The following RABGAP1L variants were observed in gnomAD, a reference collection of about 807,000 sequenced individuals.
The protein encoded by RABGAP1L is rab GTPase-activating protein 1-like.
A neutral mutation model predicts 137.7 loss-of-function variants in RABGAP1L; 63 were observed. That is an observed-to-expected ratio of 0.46 (90% confidence interval 0.37 to 0.56). The LOEUF (loss-of-function observed/expected upper bound fraction) is 0.56, where lower values mean the gene tolerates loss of function less well. RABGAP1L is among the 20% of genes least tolerant of loss of function. The pLI, the probability that RABGAP1L is intolerant of heterozygous loss-of-function variation, is 0.00. For missense variants in RABGAP1L, 1,095 were observed against 1,244.0 expected, an observed-to-expected ratio of 0.88 and a Z score of 1.80; for synonymous variants, 431 against 433.7, an observed-to-expected ratio of 0.99 and a Z score of 0.08.
At chr1:174,393,974 A>G in intron 12 of RABGAP1L, 21 bp from the exon 13 acceptor site, 1 of 1,609,230 alleles carries the variant, frequency 6.2e-7, no homozygotes, top group Non-Finnish European at 8.5e-7. Context: ...GTGTGAATGG[A>G]TTATTTTCTT....
chr1:174,230,418 A>AT (rs371232507), intron 3 of RABGAP1L, among the ~76,000 whole-genome samples: 4 of 152,154 alleles, frequency 2.6e-5, no homozygotes, highest in African/African-American at 9.7e-5. Flanking sequence ...ATAAAAAAAA[A>AT]GGAAGTCAAT....
rs372717108 is a variant in RABGAP1L, at chr1:174,542,278, A to G, written c.1711-95097A>G. Among the ~76,000 whole-genome samples the G allele has an allele frequency of 9.9e-5, 15 of 152,226 alleles. No individual in the cohort carries two copies. The East Asian group carries it at 2.9e-3, about 29-fold the overall frequency. On this transcript the variant is annotated intron_variant, in intron 13 of 25. Transcript: ENST00000681986. ...TATTGCCTCAATTTCAGAGCCTTTT[A>G]TTGGACTATTCAGGGATTCAACTTC...
intron 13 of RABGAP1L, among the ~76,000 whole-genome samples, chr1:174,562,007 G>A (rs1171546146): frequency 6.6e-6 from 1 of 152,132 alleles, no homozygotes; most frequent in African/African-American, 2.4e-5. Context: ...TGACACATGG[G>A]ATCTAATTAA....
At chr1:174,659,883 C>T (rs1249982260) in intron 14 of RABGAP1L, among the ~76,000 whole-genome samples, 1 of 152,118 alleles carries the variant, frequency 6.6e-6, no homozygotes, top group Non-Finnish European at 1.5e-5. Context: ...ATTGAATCAT[C>T]CTTGCTGCTA....
chr1:174,456,020 A>G (rs1656004416), intron 13 of RABGAP1L, among the ~76,000 whole-genome samples: 1 of 152,226 alleles, frequency 6.6e-6, no homozygotes, highest in East Asian at 1.9e-4. Context: ...GAGTGACCTG[A>G]TATTTCTTTC....
chr1:174,847,165 T>A (rs1694148072), intron 19 of RABGAP1L, among the ~76,000 whole-genome samples: 1 of 149,828 alleles, frequency 6.7e-6, no homozygotes, highest in African/African-American at 2.5e-5. Flanking sequence ...CACTGTTGGG[T>A]CTTGACTCTT....
chr1:174,198,118 C>A (rs1213733121), intron 1 of RABGAP1L, among the ~76,000 whole-genome samples: 1 of 152,124 alleles, frequency 6.6e-6, no homozygotes, highest in African/African-American at 2.4e-5. Flanking sequence ...AAACACTGTT[C>A]TAATTATAGT....
chr1:174,509,355 A>T (rs1662123418), intron 13 of RABGAP1L, among the ~76,000 whole-genome samples: 1 of 152,152 alleles, frequency 6.6e-6, no homozygotes, highest in South Asian at 2.1e-4. Flanking sequence ...CTTTTGTCTT[A>T]TATCAACTTT....
rs567859690 is a variant in RABGAP1L, at chr1:174,442,532, C to A, written c.1710+48387C>A. ...GTTCAACATGGAGGAAAGAATAGGA[C>A]CTTCTACTCTTTAGGAATAATTTTT... On this transcript the variant is annotated intron_variant, in intron 13 of 25. Coordinates refer to ENST00000681986, the MANE Select transcript of RABGAP1L (RefSeq NM_001366446.1). Among the ~76,000 whole-genome samples, 5 of 152,206 alleles carry A rather than the reference C, an allele frequency of 3.3e-5. No individual in the cohort carries two copies. In the East Asian group the frequency reaches 7.7e-4, roughly 23 times the overall value.
At chr1:174,934,964 C>T (rs1239689183) in intron 19 of RABGAP1L, 3 of 152,062 alleles carry the variant, frequency 2.0e-5, no homozygotes, top group Admixed American at 6.6e-5. Context: ...AAAAGATAAA[C>T]AAAATACTTT....
intron 10 of RABGAP1L, among the ~76,000 whole-genome samples, chr1:174,287,742 C>T (rs1359321236): frequency 6.6e-6 from 1 of 152,214 alleles, no homozygotes; most frequent in African/African-American, 2.4e-5. Flanking sequence ...ATCTGCCCGC[C>T]TCAGCCTCCC....
At chr1:174,342,833 G>A (rs1400509740) in intron 11 of RABGAP1L, among the ~76,000 whole-genome samples, 1 of 151,666 alleles carries the variant, frequency 6.6e-6, no homozygotes, top group East Asian at 1.9e-4. Flanking sequence ...CCGACTCCTG[G>A]GTTCAAGTGA....
chr1:174,434,711 A>C (rs1050347431), intron 13 of RABGAP1L, among the ~76,000 whole-genome samples: 1 of 151,802 alleles, frequency 6.6e-6, no homozygotes, highest in Non-Finnish European at 1.5e-5. Context: ...TATCTCATCT[A>C]TTTTGCCTTT....
chr1:174,227,613 A>G (rs1162822598), intron 3 of RABGAP1L, among the ~76,000 whole-genome samples: 1 of 151,784 alleles, frequency 6.6e-6, no homozygotes, highest in African/African-American at 2.4e-5. Context: ...TCCTGCCTTT[A>G]GATTATTTTT....
At chr1:174,184,607 A>G (rs1052644668) in intron 1 of RABGAP1L, among the ~76,000 whole-genome samples, 17 of 152,228 alleles carry the variant, frequency 1.1e-4, no homozygotes, top group Non-Finnish European at 2.4e-4. Flanking sequence ...AACAAAAACG[A>G]AACACTTTTA....
intron 17 of RABGAP1L, among the ~76,000 whole-genome samples, chr1:174,740,459 C>T (rs532159419): frequency 8.9e-4 from 135 of 152,156 alleles, no homozygotes; most frequent in Non-Finnish European, 1.6e-3. Context: ...GTGTCAGTCT[C>T]GGTACAGCCT....
intron 13 of RABGAP1L, among the ~76,000 whole-genome samples, chr1:174,572,603 G>A (rs1422501566): frequency 2.0e-5 from 3 of 152,048 alleles, no homozygotes; most frequent in Non-Finnish European, 4.4e-5. Flanking sequence ...GGCTGGTCTC[G>A]AACTCCTGAC....
At chr1:174,259,030 C>G (rs976249034) in intron 7 of RABGAP1L, among the ~76,000 whole-genome samples, 6 of 151,912 alleles carry the variant, frequency 3.9e-5, no homozygotes, top group Admixed American at 1.3e-4. Flanking sequence ...TTCAAGTGAT[C>G]TTCTTGCCTC....
chr1:174,961,053 C>A (rs1669046113), intron 20 of RABGAP1L, among the ~76,000 whole-genome samples: 1 of 152,144 alleles, frequency 6.6e-6, no homozygotes, highest in African/African-American at 2.4e-5. Context: ...TGACTAGATT[C>A]CAAGAGACAG....
Sources: allele counts gnomAD v4.1 joint callset (sites outside exome capture counted in the v4.1 genomes callset), GRCh38; gene constraint gnomAD v4.1.1; transcripts MANE v1.5; gene names NCBI Gene and HGNC (gene_info 2026-07-23, HGNC 2026-07-21).